KIT: variants seen among roughly 807,000 people sequenced by gnomAD.
KIT encodes the protein mast/stem cell growth factor receptor Kit.
A neutral mutation model predicts 105.7 loss-of-function variants in KIT; 16 were observed. That is an observed-to-expected ratio of 0.15 (90% confidence interval 0.10 to 0.23). The LOEUF is 0.23. KIT is among the 10% of genes least tolerant of loss of function. KIT has a pLI of 1.00. For synonymous variants in KIT, 438 were observed against 441.1 expected (o/e 0.99, Z 0.09); for missense variants, 858 against 1,213.8 (o/e 0.71, Z 4.36).
At chr4:54,721,127 T>A (rs1380152403) in intron 7 of KIT, among the ~76,000 whole-genome samples, 1 of 152,180 alleles carries the variant, frequency 6.6e-6, no homozygotes, top group Non-Finnish European at 1.5e-5. Flanking sequence ...ACTCAATCAG[T>A]AAGATGTCGT....
intron 1 of KIT, among the ~76,000 whole-genome samples, chr4:54,682,873 TC>T (rs1377850436): frequency 1.3e-5 from 2 of 151,280 alleles, no homozygotes; most frequent in African/African-American, 2.4e-5. Context: ...TGCCTCAGCC[TC>T]CTGAGTAGCT....
At chr4:54,736,219 G>A (rs1722916459) in intron 17 of KIT, among the ~76,000 whole-genome samples, 1 of 152,184 alleles carries the variant, frequency 6.6e-6, no homozygotes, top group South Asian at 2.1e-4. Context: ...GTGGAGCCAG[G>A]GCTAAAATGT....
intron 1 of KIT, among the ~76,000 whole-genome samples, chr4:54,666,885 T>C (rs1319568192): frequency 1.3e-5 from 2 of 152,228 alleles, no homozygotes; most frequent in African/African-American, 4.8e-5. Context: ...CAATTTCGGC[T>C]ATATTGATAA....
At chr4:54,731,059 A>G (rs549234661) in intron 14 of KIT, among the ~76,000 whole-genome samples, 1 of 152,144 alleles carries the variant, frequency 6.6e-6, no homozygotes, top group African/African-American at 2.4e-5. Flanking sequence ...CATTGTGTCA[A>G]GAGACGGGAA....
intron 3 of KIT, 69 bp from the exon 4 acceptor site, chr4:54,699,561 G>T (rs1187740909): frequency 2.2e-5 from 35 of 1,557,846 alleles, no homozygotes; most frequent in Non-Finnish European, 2.8e-5. Context: ...CATTTGAGGA[G>T]AAATGGTAAA....
At chr4:54,680,856 A>G (rs369834810) in intron 1 of KIT, among the ~76,000 whole-genome samples, 6 of 152,114 alleles carry the variant, frequency 3.9e-5, no homozygotes, top group African/African-American at 1.4e-4. Flanking sequence ...CAGTGCTAAC[A>G]TGAAGGCAGT....
chr4:54,662,907 CT>C (rs1243362543), intron 1 of KIT, among the ~76,000 whole-genome samples: 1 of 151,400 alleles, frequency 6.6e-6, no homozygotes, highest in African/African-American at 2.4e-5. Context: ...TTTTTTTGGT[CT>C]TGTTTTATTT....
intron 7 of KIT, among the ~76,000 whole-genome samples, chr4:54,722,815 TTA>T (rs10572198): frequency 0.83 from 120,929 of 144,846 alleles, 50,596 homozygotes; most frequent in East Asian, 0.91. Flanking sequence ...ATATATATAT[TTA>T]TATATATATA....
At chr4:54,679,224 G>A (rs1463244629) in intron 1 of KIT, among the ~76,000 whole-genome samples, 1 of 152,128 alleles carries the variant, frequency 6.6e-6, no homozygotes, top group African/African-American at 2.4e-5. Flanking sequence ...TCTGTGGCAG[G>A]GTAACACAAA....
intron 1 of KIT, among the ~76,000 whole-genome samples, chr4:54,671,719 G>A (rs1272995348): frequency 6.6e-6 from 1 of 152,114 alleles, no homozygotes; most frequent in Non-Finnish European, 1.5e-5. Flanking sequence ...TGGCTTGTTT[G>A]AAAATGTGTT....
chr4:54,718,884 A>G (rs1035735148), intron 7 of KIT, among the ~76,000 whole-genome samples: 68 of 152,300 alleles, frequency 4.5e-4, no homozygotes, highest in African/African-American at 1.6e-3. Flanking sequence ...GAATTTTTTA[A>G]AAAGTATAAT....
At chr4:54,718,716 TA>T (rs1721656605) in intron 7 of KIT, among the ~76,000 whole-genome samples, 1 of 152,214 alleles carries the variant, frequency 6.6e-6, no homozygotes, top group Non-Finnish European at 1.5e-5. Context: ...TTTTTCTTTT[TA>T]AAATGACAGT....
chr4:54,736,055 G>T (rs1436580064), intron 17 of KIT, among the ~76,000 whole-genome samples: 1 of 152,184 alleles, frequency 6.6e-6, no homozygotes, highest in Non-Finnish European at 1.5e-5. Flanking sequence ...ACAACTTAGT[G>T]GCCAAAACCG....
In KIT at chr4:54,658,121, C is replaced by A. The variant is rs2109521990; in HGVS notation, c.67+40C>A. 2.5e-6 allele frequency: 4 copies of A among 1,601,432 alleles called. No homozygotes were observed. In the South Asian group the frequency reaches 3.3e-5, roughly 13 times the overall value. On this transcript the variant is annotated intron_variant, in intron 1 of 20. Transcript: ENST00000288135. ...CTGGCACCCCGACCGTGCGACTACTCGGCGAAGCCTGTGCCTGGGAGGGTG... is the reference window on the plus strand; with the variant it reads ...CTGGCACCCCGACCGTGCGACTACTAGGCGAAGCCTGTGCCTGGGAGGGTG...
rs1723182769 is a variant in KIT, at chr4:54,740,493, T to C, written c.*1936T>C. ...TGGCTTAATGTTTGAAATTATTTTG[T>C]GGCTTTTTTTGTAAATATTGAAATG... On this transcript the variant is annotated 3_prime_UTR_variant, in exon 21 of 21. Coordinates refer to ENST00000288135, the MANE Select transcript of KIT (RefSeq NM_000222.3). 4.3e-6 allele frequency: 1 copy of C among 233,222 alleles called. No homozygotes were observed. Among genetic ancestry groups the C allele is most frequent in the Admixed American group, 5.6e-5 (1 of 17,782 alleles). 14.4% of individuals were successfully genotyped at this position (233,222 alleles called of 1,614,324 possible).
At chr4:54,724,783 C>T (rs1722114879) in intron 8 of KIT, among the ~76,000 whole-genome samples, 1 of 151,744 alleles carries the variant, frequency 6.6e-6, no homozygotes, top group Non-Finnish European at 1.5e-5. Flanking sequence ...GCAAAAAAAT[C>T]TCATAATGTT....
chr4:54,687,021 G>A (rs1289790715), intron 1 of KIT, among the ~76,000 whole-genome samples: 1 of 152,084 alleles, frequency 6.6e-6, no homozygotes, highest in Non-Finnish European at 1.5e-5. Context: ...GGGACATTTG[G>A]GAATATGTGG....
chr4:54,712,257 G>A (rs544317718), intron 7 of KIT, among the ~76,000 whole-genome samples: 2 of 152,172 alleles, frequency 1.3e-5, no homozygotes, highest in East Asian at 1.9e-4. Context: ...ATACAAGCTC[G>A]GGTTTTTTTA....
Position 54,672,548 on chromosome 4 carries a change from C to G in KIT, c.67+14467C>G, listed in dbSNP as rs193090008. 5.4e-4 allele frequency among the ~76,000 whole-genome samples: 82 copies of G among 152,278 alleles called. No individual in the cohort carries two copies. In the Middle Eastern group the frequency reaches 0.014, roughly 25 times the overall value. ...AGCCAGCGTTTGTTCTTTGCTCTCT[C>G]TTTACTCTCCTGAGCTGGGGATTGG... On this transcript the variant is annotated intron_variant, in intron 1 of 20. Coordinates refer to ENST00000288135, the MANE Select transcript of KIT (RefSeq NM_000222.3).
Sources: gnomAD v4.1 joint callset for allele counts (sites outside exome capture counted in the v4.1 genomes callset) on GRCh38, gnomAD v4.1.1 for gene constraint, MANE v1.5 for transcripts, NCBI Gene and HGNC (gene_info 2026-07-23, HGNC 2026-07-21) for gene names.